The following SYBU variants were observed in gnomAD, a reference collection of about 807,000 sequenced individuals.
SYBU encodes syntabulin, also known as GOLSYN A protein.
In SYBU, 21 loss-of-function variants were observed where a neutral mutation model predicts 35.9. The ratio of observed to expected loss-of-function variants is 0.58; its 90% CI spans 0.41 to 0.84. The LOEUF is 0.84. Ranked by LOEUF, SYBU falls within the 40% of genes least tolerant of loss-of-function variation. The pLI is 0.00. For synonymous variants in SYBU, 319 were observed against 324.3 expected (o/e 0.98, Z 0.18); for missense variants, 768 against 848.2 (o/e 0.91, Z 1.17).
chr8:109,642,623 T>C (rs1282221796), intron 2 of SYBU, 105 bp downstream of exon 2: 6 of 626,334 alleles, frequency 9.6e-6, no homozygotes, highest in African/African-American at 5.7e-5. Flanking sequence ...ATCCTAATAG[T>C]AGAAGTGTAG....
intron 4 of SYBU, among the ~76,000 whole-genome samples, chr8:109,582,617 C>A (rs965651338): frequency 1.3e-5 from 2 of 152,150 alleles, no homozygotes; most frequent in African/African-American, 4.8e-5. Flanking sequence ...TTTCGATTCC[C>A]TGACCATGGC....
chr8:109,678,134 CAAAAAAAAA>C (rs758399888), intron 1 of SYBU, among the ~76,000 whole-genome samples: 3 of 43,156 alleles, frequency 7.0e-5, no homozygotes, highest in Non-Finnish European at 9.7e-5. Flanking sequence ...AACTCCACCT[CAAAAAAAAA>C]AAAAAAAAAA....
At chr8:109,635,411 A>G (rs1814113416) in intron 2 of SYBU, among the ~76,000 whole-genome samples, 1 of 151,966 alleles carries the variant, frequency 6.6e-6, no homozygotes, top group South Asian at 2.1e-4. Context: ...CTCTTGCTAT[A>G]CCTCAGAGTC....
rs558651149 is a variant in SYBU at position 109,577,883 on chromosome 8, C to T, written c.869G>A (p.Arg290His). ...GCAGATTCACCTTTCATGGAGTCGG[C>T]GCTCAGATTCCTTCAGCTTGGTTTT... ...HLKTKLKESE[R>H]RLHERESEIV... Residue 290 changes from arginine (R) to histidine (H), a missense_variant, in exon 6 of 7, where the codon CGC becomes CAC. Arg to His is a conservative substitution (Grantham distance 29). Transcript: ENST00000276646. 37 of 1,613,060 alleles carry T rather than the reference C, an allele frequency of 2.3e-5. No individual in the cohort carries two copies. The East Asian group carries it at 4.0e-4, about 17-fold the overall frequency.
At chr8:109,679,691 ACT>A (rs1586998363) in intron 1 of SYBU, among the ~76,000 whole-genome samples, 2 of 152,252 alleles carry the variant, frequency 1.3e-5, no homozygotes, top group African/African-American at 2.4e-5. Flanking sequence ...GAACGAGATG[ACT>A]CTGACAGTAA....
intron 2 of SYBU, among the ~76,000 whole-genome samples, chr8:109,633,453 T>C (rs973972563): frequency 3.9e-5 from 6 of 152,130 alleles, no homozygotes; most frequent in African/African-American, 1.4e-4. Flanking sequence ...GAAAACTTGG[T>C]TTGGGTTCCC....
intron 1 of SYBU, among the ~76,000 whole-genome samples, chr8:109,643,861 G>T (rs901379782): frequency 1.3e-5 from 2 of 152,200 alleles, no homozygotes; most frequent in African/African-American, 4.8e-5. Flanking sequence ...CATGCCAGAA[G>T]TAGAACGAAA....
chr8:109,598,761 C>T (rs1825171051), intron 3 of SYBU, among the ~76,000 whole-genome samples: 1 of 152,184 alleles, frequency 6.6e-6, no homozygotes, highest in Non-Finnish European at 1.5e-5. Context: ...TTGTAGATGA[C>T]CTAGTTTCTC....
At chr8:109,619,850 T>C (rs913887081) in intron 2 of SYBU, among the ~76,000 whole-genome samples, 3 of 152,232 alleles carry the variant, frequency 2.0e-5, no homozygotes, top group Admixed American at 2.0e-4. Context: ...GAAGTGATCC[T>C]GTTTTATCAT....
At chr8:109,629,371 TTAAC>T (rs928724650) in intron 2 of SYBU, among the ~76,000 whole-genome samples, 2 of 152,246 alleles carry the variant, frequency 1.3e-5, no homozygotes, top group Admixed American at 1.3e-4. Flanking sequence ...AACACAAATC[TTAAC>T]TAACTTAATC....
At chr8:109,615,983 A>ATTTCT (rs200052278) in intron 3 of SYBU, among the ~76,000 whole-genome samples, 2 of 109,468 alleles carry the variant, frequency 1.8e-5, no homozygotes, top group Non-Finnish European at 3.7e-5. Flanking sequence ...ATTCCCTGTA[A>ATTTCT]TTTCTTTTCT....
chr8:109,672,869 G>C (rs1314076895), intron 1 of SYBU, among the ~76,000 whole-genome samples: 1 of 152,186 alleles, frequency 6.6e-6, no homozygotes, highest in Non-Finnish European at 1.5e-5. Flanking sequence ...CCATTACTGA[G>C]GCTTGAGTAG....
intron 1 of SYBU, among the ~76,000 whole-genome samples, chr8:109,669,339 CAAAAAAAAA>C (rs533510895): frequency 1.3e-3 from 67 of 49,698 alleles, no homozygotes; most frequent in Non-Finnish European, 2.3e-3. Context: ...GAGACTCCGT[CAAAAAAAAA>C]AAAAAAAAAA....
intron 3 of SYBU, 82 bp downstream of exon 3, chr8:109,618,760 G>A (rs896451523): frequency 8.0e-6 from 10 of 1,257,058 alleles, no homozygotes; most frequent in East Asian, 7.0e-5. Context: ...TCCCCGACTC[G>A]ATATACAGGT....
At chr8:109,590,443 T>G (rs1007634292) in intron 3 of SYBU, among the ~76,000 whole-genome samples, 1 of 152,062 alleles carries the variant, frequency 6.6e-6, no homozygotes, top group African/African-American at 2.4e-5. Flanking sequence ...ATAAAAGTAT[T>G]CTTGAAAAAT....
chr8:109,668,457 A>T (rs1164237654), intron 1 of SYBU, among the ~76,000 whole-genome samples: 1 of 152,218 alleles, frequency 6.6e-6, no homozygotes, highest in Non-Finnish European at 1.5e-5. Context: ...AATATTTCAA[A>T]GGTAATTTAA....
At chr8:109,677,886 G>A (rs1817247773) in intron 1 of SYBU, among the ~76,000 whole-genome samples, 1 of 152,070 alleles carries the variant, frequency 6.6e-6, no homozygotes, top group Non-Finnish European at 1.5e-5. Context: ...TGTAATCCCA[G>A]CACTTTGGCA....
chr8:109,603,607 A>C (rs1017640283), intron 3 of SYBU, among the ~76,000 whole-genome samples: 1 of 152,174 alleles, frequency 6.6e-6, no homozygotes, highest in African/African-American at 2.4e-5. Flanking sequence ...AAAAACCAAA[A>C]TAAAATGGAA....
At chr8:109,591,652 CA>C (rs1371021803) in intron 3 of SYBU, among the ~76,000 whole-genome samples, 2 of 150,118 alleles carry the variant, frequency 1.3e-5, no homozygotes, top group Non-Finnish European at 3.0e-5. Flanking sequence ...GCTGGGACTA[CA>C]GGCGCCCGCC....
Sources: gnomAD v4.1 joint callset for allele counts (sites outside exome capture counted in the v4.1 genomes callset) on GRCh38, gnomAD v4.1.1 for gene constraint, MANE v1.5 for transcripts, NCBI Gene and HGNC (gene_info 2026-07-23, HGNC 2026-07-21) for gene names.